IFI44L: variants seen among roughly 807,000 people sequenced by gnomAD.
IFI44L encodes interferon induced protein 44 like, also known as interferon-induced protein 44-like.
A neutral mutation model predicts 39.3 loss-of-function variants in IFI44L; 40 were observed. The observed-to-expected ratio is 1.02, with a 90% CI of 0.79 to 1.33. IFI44L has a LOEUF of 1.33. IFI44L is among the 40% of genes most tolerant of loss of function. IFI44L has a pLI of 0.00. For synonymous variants in IFI44L, 198 were observed against 182.3 expected (o/e 1.09, Z -0.69); for missense variants, 623 against 549.0 (o/e 1.13, Z -1.35).
chr1:78,640,556 T>C (rs924532928), intron 6 of IFI44L, among the ~76,000 whole-genome samples: 1 of 152,172 alleles, frequency 6.6e-6, no homozygotes, highest in African/African-American at 2.4e-5. Context: ...TTTTGATTTG[T>C]TTAGAAGTCA....
intron 1 of IFI44L, among the ~76,000 whole-genome samples, chr1:78,623,788 C>T (rs529784332): frequency 2.3e-4 from 35 of 152,152 alleles, no homozygotes; most frequent in Admixed American, 1.9e-3. Flanking sequence ...TGTTTGAGAA[C>T]CAGGAGCTCA....
intron 4 of IFI44L, among the ~76,000 whole-genome samples, chr1:78,633,184 G>A (rs895984957): frequency 2.6e-5 from 4 of 152,202 alleles, no homozygotes; most frequent in Admixed American, 6.5e-5. Context: ...ATAGTGTGGA[G>A]AGAACTGTCA....
intron 6 of IFI44L, among the ~76,000 whole-genome samples, chr1:78,640,672 AC>A (rs1274734937): frequency 6.6e-6 from 1 of 151,760 alleles, no homozygotes; most frequent in African/African-American, 2.4e-5. Flanking sequence ...CTCATACACA[AC>A]CCTCCTCACT....
intron 4 of IFI44L, among the ~76,000 whole-genome samples, chr1:78,633,444 C>A (rs1386306824): frequency 6.6e-6 from 1 of 152,196 alleles, no homozygotes; most frequent in Non-Finnish European, 1.5e-5. Context: ...AACCTCTGAA[C>A]AGCACTTAGT....
At position 78,642,006 on chromosome 1, in the gene IFI44L, C is replaced by T. The variant is rs1646993099; in HGVS notation, c.*197C>T. The T allele has an allele frequency of 4.8e-6, 3 of 630,026 alleles. No homozygotes were observed. In the Admixed American group the frequency reaches 8.1e-5, roughly 17 times the overall value. The allele number at this position is 630,026 out of a possible 1,614,324, so 39.0% of individuals were successfully genotyped here. On this transcript the variant is annotated 3_prime_UTR_variant, in exon 9 of 9. Coordinates refer to ENST00000370751, the MANE Select transcript of IFI44L (RefSeq NM_006820.4). ...AGATAGGTCCTACTGCAAACCACCC[C>T]TCCATATTTCCGTACCATTTACAAT...
rs374211483 is a variant in IFI44L at position 78,637,223 on chromosome 1, T to C, written c.1048+20T>C. On this transcript the variant is annotated intron_variant, in intron 6 of 8. Transcript: ENST00000370751. Reference sequence around the variant, plus strand: ...ACTGTGGTGAGTCTCACTGAACTTATAAAAAAATTTACTTTGAAATAATTA... The same window carrying C: ...ACTGTGGTGAGTCTCACTGAACTTACAAAAAAATTTACTTTGAAATAATTA... 2.4e-5 allele frequency: 38 copies of C among 1,551,642 alleles called. No individual in the cohort carries two copies. The highest frequency in any genetic ancestry group is 3.1e-5 in the Non-Finnish European group (36 of 1,148,764).
At position 78,629,733 on chromosome 1, in the gene IFI44L, C is replaced by T. The variant is rs376546704; in HGVS notation, c.541C>T (p.Leu181Phe). The T allele has an allele frequency of 3.1e-6, 5 of 1,611,428 alleles. No individual in the cohort carries two copies. Among genetic ancestry groups the T allele is most frequent in the Non-Finnish European group, 2.5e-6 (3 of 1,178,726 alleles). Residue 181 changes from leucine (L) to phenylalanine (F), a missense_variant, in exon 4 of 9, where the codon CTT (leucine) becomes TTT (phenylalanine). Coordinates refer to ENST00000370751, the MANE Select transcript of IFI44L (RefSeq NM_006820.4). ...IIKAREHRNR[L>F]LADIRDYRPY... The stretch of plus-strand genomic sequence containing the variant: ...ATATTTTAACAGGCACAGAAATAGG[C>T]TTCTAGCAGACATCAGAGACTATAG...
intron 1 of IFI44L, among the ~76,000 whole-genome samples, chr1:78,624,521 A>G (rs376040495): frequency 9.8e-5 from 15 of 152,328 alleles, no homozygotes; most frequent in African/African-American, 3.1e-4. Context: ...GAACGCTCCT[A>G]TAATACACTT....
In IFI44L at chr1:78,630,062, C is replaced by T. The variant is rs377104309; in HGVS notation, c.723+147C>T. On this transcript the variant is annotated intron_variant, in intron 4 of 8. Coordinates refer to ENST00000370751, the MANE Select transcript of IFI44L (RefSeq NM_006820.4). ...GGAGTAAAATTTTGATCAGAACCAC[C>T]TCCATTGTGCTATATTATACAGAGA... is the stretch of plus-strand genomic sequence containing the variant. 110 of 743,242 alleles carry T rather than the reference C, an allele frequency of 1.5e-4. 1 individual carries two copies. The highest frequency in any genetic ancestry group is 9.7e-4 in the East Asian group (36 of 37,060). The allele number at this position is 743,242 out of a possible 1,614,324, so 46.0% of individuals were successfully genotyped here.
Position 78,629,747 on chromosome 1 carries a change from CAG to C in IFI44L, c.559_560del (p.Asp187LeufsTer2). ...EHRNRLLADIRDYRPYADLVS... is the reference protein window; with the variant it reads ...EHRNRLLADIXDYRPYADLVS... ...ACAGAAATAGGCTTCTAGCAGACAT[CAG>C]AGACTATAGGCCCTATGCAGACTTG... On this transcript the variant is annotated frameshift_variant, in exon 4 of 9. Transcript: ENST00000370751. LOFTEE classifies it high-confidence loss of function. The C allele has an allele frequency of 6.2e-7, 1 of 1,613,156 alleles. No homozygotes were observed. The highest frequency in any genetic ancestry group is 2.2e-5 in the East Asian group (1 of 44,842).
In IFI44L at chr1:78,642,970, C is replaced by A. The variant is rs1403177963; in HGVS notation, c.*1161C>A. 6.6e-6 allele frequency: 1 copy of A among 151,936 alleles called. No homozygotes were observed. Among genetic ancestry groups the A allele is most frequent in the African/African-American group, 2.4e-5 (1 of 41,416 alleles). 9.4% of individuals were successfully genotyped at this position (151,936 alleles called of 1,614,324 possible). On this transcript the variant is annotated 3_prime_UTR_variant, in exon 9 of 9. Coordinates refer to ENST00000370751, the MANE Select transcript of IFI44L (RefSeq NM_006820.4). ...TACTATTAAGAAAGAAAACAAAATTCCCAAAAGATAGCTTTCACTTTTTTT... is the reference window on the plus strand; with the variant it reads ...TACTATTAAGAAAGAAAACAAAATTACCAAAAGATAGCTTTCACTTTTTTT...
intron 1 of IFI44L, 97 bp from the exon 2 acceptor site, chr1:78,627,809 C>G: frequency 1.7e-6 from 1 of 572,720 alleles, no homozygotes; most frequent in Non-Finnish European, 2.7e-6. Flanking sequence ...TTAATTGAGT[C>G]AGTGAATAAA....
chr1:78,642,067 A>G lies in IFI44L; in HGVS notation c.*258A>G. 1 of 554,474 alleles carries G rather than the reference A, an allele frequency of 1.8e-6. No individual in the cohort carries two copies. The highest frequency in any genetic ancestry group is 2.1e-5 in the South Asian group (1 of 47,102). The allele number at this position is 554,474 out of a possible 1,614,324, so 34.3% of individuals were successfully genotyped here. ...TGACATCTTTTTAAACCACTGGAGGAAAAATGAGATATTCTCTAATTTATT... is the reference window on the plus strand; with the variant it reads ...TGACATCTTTTTAAACCACTGGAGGGAAAATGAGATATTCTCTAATTTATT... On this transcript the variant is annotated 3_prime_UTR_variant, in exon 9 of 9. Transcript: ENST00000370751.
chr1:78,636,792 C>T, intron 5 of IFI44L: 1 of 417,474 alleles, frequency 2.4e-6, no homozygotes, highest in Non-Finnish European at 4.2e-6. Flanking sequence ...GCAATACTTA[C>T]AATGGATAAT....
chr1:78,624,627 A>G lies in IFI44L; in HGVS notation c.-10-3279A>G, dbSNP rs1232418056. 3.3e-5 allele frequency among the ~76,000 whole-genome samples: 5 copies of G among 152,036 alleles called. 1 individual carries two copies. The highest frequency in any genetic ancestry group is 1.2e-4 in the African/African-American group (5 of 41,384). ...TAGTGTTCAAGTTTTCTGTTTTCCT[A>G]TTGATCTTCTGTTTGGATATTTTAT... On this transcript the variant is annotated intron_variant, in intron 1 of 8. Coordinates refer to ENST00000370751, the MANE Select transcript of IFI44L (RefSeq NM_006820.4).
At position 78,645,127 on chromosome 1, in the gene IFI44L, A is replaced by T. The variant is rs1360338686; in HGVS notation, c.*3318A>T. The T allele has an allele frequency of 1.3e-5, 2 of 152,032 alleles. No homozygotes were observed. The highest frequency in any genetic ancestry group is 3.9e-4 in the East Asian group (2 of 5,194). 9.4% of individuals were successfully genotyped at this position (152,032 alleles called of 1,614,324 possible). On this transcript the variant is annotated 3_prime_UTR_variant, in exon 9 of 9. Transcript: ENST00000370751. ...ACTAGCTGCCTTGCACATTATCTTC[A>T]TTTTCCTGGAATTTGATACAGAGAG...
chr1:78,641,635 T>C (rs1379972234), intron 8 of IFI44L, 26 bp downstream of exon 8: 10 of 1,612,446 alleles, frequency 6.2e-6, no homozygotes, highest in Middle Eastern at 1.7e-4. Flanking sequence ...TCTCCCCCTG[T>C]CATAGATCAC....
chr1:78,635,474 G>C lies in IFI44L; in HGVS notation c.861G>C (p.Met287Ile), dbSNP rs1652913068. Residue 287 changes from methionine (M) to isoleucine (I), a missense_variant, in exon 5 of 9, where the codon ATG becomes ATC. Physicochemically the swap from Met to Ile is conservative, Grantham distance 10. Coordinates refer to ENST00000370751, the MANE Select transcript of IFI44L (RefSeq NM_006820.4). ...TTCCCCACATCTTAAAAGGTTGTATGCCAGACAGATATCAGGTAAGATTTC... is the reference window on the plus strand; with the variant it reads ...TTCCCCACATCTTAAAAGGTTGTATCCCAGACAGATATCAGGTAAGATTTC... ...DDIPHILKGC[M>I]PDRYQFNSRK... The C allele has an allele frequency of 6.2e-7, 1 of 1,612,386 alleles. No homozygotes were observed. The highest frequency in any genetic ancestry group is 8.5e-7 in the Non-Finnish European group (1 of 1,179,376).
intron 2 of IFI44L, 107 bp downstream of exon 2, chr1:78,628,500 A>T (rs1652592138): frequency 1.4e-6 from 1 of 700,694 alleles, no homozygotes; most frequent in African/African-American, 1.8e-5. Context: ...GAACAGTTAG[A>T]TTCATGCCAT....
Sources: gnomAD v4.1 joint callset for allele counts (sites outside exome capture counted in the v4.1 genomes callset) on GRCh38, gnomAD v4.1.1 for gene constraint, MANE v1.5 for transcripts, NCBI Gene and HGNC (gene_info 2026-07-23, HGNC 2026-07-21) for gene names.